Variants in NCALD observed in about 807,000 individuals in gnomAD.
NCALD encodes the protein neurocalcin delta, also known as neurocalcin-delta.
In NCALD, 10 loss-of-function variants were observed where a neutral mutation model predicts 18.6. The ratio of observed to expected loss-of-function variants is 0.54; its 90% CI spans 0.33 to 0.91. The LOEUF (loss-of-function observed/expected upper bound fraction) is 0.91. Ranked by LOEUF, NCALD falls within the 40% of genes least tolerant of loss-of-function variation. NCALD has a pLI of 0.03. For missense variants in NCALD, 184 were observed against 247.6 expected (o/e 0.74, Z 1.72); for synonymous variants, 88 against 87.4 (o/e 1.01, Z -0.04).
At chr8:102,013,762 G>T (rs966393346) in intron 2 of NCALD, among the ~76,000 whole-genome samples, 2 of 152,226 alleles carry the variant, frequency 1.3e-5, no homozygotes, top group Admixed American at 1.3e-4. Context: ...AAAAACAAAA[G>T]GAAAGACAAA....
intron 1 of NCALD, among the ~76,000 whole-genome samples, chr8:101,735,440 A>G (rs1817033094): frequency 6.6e-6 from 1 of 152,170 alleles, no homozygotes; most frequent in South Asian, 2.1e-4. Flanking sequence ...CCAAAAGACA[A>G]ATGTTCCACC....
intron 2 of NCALD, among the ~76,000 whole-genome samples, chr8:101,708,573 C>T (rs1554609102): frequency 6.6e-6 from 1 of 152,218 alleles, no homozygotes; most frequent in Non-Finnish European, 1.5e-5. Flanking sequence ...CATGCAGGTG[C>T]TGTTCTAGGC....
At chr8:102,097,201 A>T (rs1012648645) in intron 1 of NCALD, among the ~76,000 whole-genome samples, 2 of 152,222 alleles carry the variant, frequency 1.3e-5, no homozygotes, top group African/African-American at 4.8e-5. Context: ...AAACATTTTT[A>T]AAAAGTGAGA....
chr8:101,870,900 C>A (rs77859084), intron 4 of NCALD, among the ~76,000 whole-genome samples: 6 of 75,664 alleles, frequency 7.9e-5, no homozygotes, highest in South Asian at 7.7e-4. Context: ...CGCCCCCACC[C>A]CCCCCCCCCA....
At position 101,689,715 on chromosome 8, in the gene NCALD, G is replaced by T. The variant is rs1814630436; in HGVS notation, c.485-309C>A. On this transcript the variant is annotated intron_variant, in intron 3 of 3. Transcript: ENST00000220931. The surrounding 1 kb of genome is among the most constrained non-coding windows in gnomAD (Gnocchi z 4.4). ...AGAGGGTGGTGGATGATGCTGACTT[G>T]GTCCCTGACCTCCTGGCTCCAGGCG... Among the ~76,000 whole-genome samples the T allele has an allele frequency of 6.6e-6, 1 of 152,164 alleles. No homozygotes were observed. The highest frequency in any genetic ancestry group is 2.4e-5 in the African/African-American group (1 of 41,442).
At chr8:101,700,040 ATTTAT>A (rs1391122839) in intron 2 of NCALD, among the ~76,000 whole-genome samples, 3 of 151,566 alleles carry the variant, frequency 2.0e-5, no homozygotes, top group Non-Finnish European at 4.4e-5. Flanking sequence ...TTATTTATTT[ATTTAT>A]TTATTTATTT....
At chr8:101,935,973 G>C (rs955791824) in intron 2 of NCALD, among the ~76,000 whole-genome samples, 9 of 151,998 alleles carry the variant, frequency 5.9e-5, no homozygotes, top group African/African-American at 2.2e-4. Flanking sequence ...TAAGAGCAGG[G>C]ATGATTCATC....
intron 2 of NCALD, among the ~76,000 whole-genome samples, chr8:101,944,378 A>C (rs973885892): frequency 6.6e-6 from 1 of 152,240 alleles, no homozygotes; most frequent in African/African-American, 2.4e-5. Context: ...TATAAAGAAC[A>C]GTAGAAAGGA....
rs373151567 is a variant in NCALD at position 101,851,005 on chromosome 8, TGTTTTG to T, written c.-20+36130_-20+36135del. 7.1e-4 allele frequency among the ~76,000 whole-genome samples: 108 copies of T among 152,324 alleles called. 3 individuals are homozygous for T. The highest frequency in any genetic ancestry group is 2.4e-3 in the African/African-American group (98 of 41,578). The stretch of plus-strand genomic sequence containing the variant: ...ATTGGACTAAATGTTCTGTGTTTTT[TGTTTTG>T]GTTTTTGTTTTACTTCAAGGCAACT... On this transcript the variant is annotated intron_variant, in intron 4 of 6. Coordinates refer to the NCALD transcript ENST00000311028.
intron 2 of NCALD, among the ~76,000 whole-genome samples, chr8:101,970,718 G>C (rs1820209479): frequency 6.6e-6 from 1 of 152,144 alleles, no homozygotes; most frequent in Admixed American, 6.5e-5. Context: ...CCACTAAGTT[G>C]CATCAACTGT....
rs1769029669 is a variant in NCALD, at chr8:101,687,933, C to T, written c.*1376G>A. On this transcript the variant is annotated 3_prime_UTR_variant, in exon 4 of 4. Transcript: ENST00000220931. The stretch of plus-strand genomic sequence containing the variant: ...CAATGGAAAATACTTTTGGATTCTC[C>T]ATAGGGGGGCCTTGGAAACCACAGA... 1 of 152,142 alleles carries T rather than the reference C, an allele frequency of 6.6e-6. No homozygotes were observed. Among genetic ancestry groups the T allele is most frequent in the Admixed American group, 6.5e-5 (1 of 15,274 alleles). The allele number at this position is 152,142 out of a possible 1,614,324, so 9.4% of individuals were successfully genotyped here.
chr8:101,782,802 C>T (rs1308847503), intron 1 of NCALD, among the ~76,000 whole-genome samples: 1 of 152,172 alleles, frequency 6.6e-6, no homozygotes, highest in African/African-American at 2.4e-5. Flanking sequence ...TCACTAATCA[C>T]CTAACAGAGA....
intron 2 of NCALD, among the ~76,000 whole-genome samples, chr8:101,972,622 G>A (rs778424491): frequency 7.9e-5 from 12 of 152,174 alleles, no homozygotes; most frequent in Non-Finnish European, 1.5e-4. Context: ...GCATTTTTGA[G>A]TATCCTCAGT....
At chr8:102,057,849 A>G (rs1329893884) in intron 1 of NCALD, among the ~76,000 whole-genome samples, 1 of 152,256 alleles carries the variant, frequency 6.6e-6, no homozygotes, top group Non-Finnish European at 1.5e-5. Context: ...CTTTTGAGGC[A>G]TGAAGCACTT....
chr8:101,968,593 T>C (rs1001728514), intron 2 of NCALD, among the ~76,000 whole-genome samples: 3 of 152,140 alleles, frequency 2.0e-5, no homozygotes, highest in Admixed American at 1.3e-4. Context: ...CTCAGGACGC[T>C]GTGAAAAATG....
chr8:101,854,784 T>C (rs1363424491), intron 4 of NCALD, among the ~76,000 whole-genome samples: 1 of 152,132 alleles, frequency 6.6e-6, no homozygotes, highest in East Asian at 1.9e-4. Flanking sequence ...AAAATTTTCA[T>C]AAAGTAACAG....
intron 4 of NCALD, among the ~76,000 whole-genome samples, chr8:101,837,517 C>G (rs777549038): frequency 2.0e-5 from 3 of 152,202 alleles, no homozygotes; most frequent in Non-Finnish European, 2.9e-5. Context: ...CAACTTCCAG[C>G]AGCAGTAATT....
intron 2 of NCALD, among the ~76,000 whole-genome samples, chr8:101,969,651 A>T (rs1009813138): frequency 6.6e-6 from 1 of 152,160 alleles, no homozygotes; most frequent in African/African-American, 2.4e-5. Context: ...CACACCTCAG[A>T]AGGGCTTTTT....
intron 1 of NCALD, among the ~76,000 whole-genome samples, chr8:102,082,888 C>T (rs1194233435): frequency 6.6e-6 from 1 of 152,176 alleles, no homozygotes; most frequent in Non-Finnish European, 1.5e-5. Context: ...AAGGCCATTC[C>T]TACCAGGGTT....
Sources: allele counts gnomAD v4.1 joint callset (sites outside exome capture counted in the v4.1 genomes callset), GRCh38; gene constraint gnomAD v4.1.1; non-coding constraint Gnocchi (gnomAD v3.1); transcripts MANE v1.5; gene names NCBI Gene and HGNC (gene_info 2026-07-23, HGNC 2026-07-21).